The following FIP1L1 variants were observed in gnomAD, a reference collection of about 807,000 sequenced individuals.
FIP1L1 encodes the protein factor interacting with PAPOLA and CPSF1, also known as pre-mRNA 3'-end-processing factor FIP1.
A neutral mutation model predicts 84.6 loss-of-function variants in FIP1L1; 21 were observed. That is an observed-to-expected ratio of 0.25 (90% confidence interval 0.18 to 0.36). The LOEUF (loss-of-function observed/expected upper bound fraction) is 0.36. Ranked by LOEUF, FIP1L1 falls within the 10% of genes least tolerant of loss-of-function variation. The pLI, the probability that FIP1L1 is intolerant of heterozygous loss-of-function variation, is 1.00. For synonymous variants in FIP1L1, 263 were observed against 242.3 expected (o/e 1.09, Z -0.80); for missense variants, 526 against 751.1 (o/e 0.70, Z 3.50).
chr4:53,387,796 A>C (rs1741915115), intron 5 of FIP1L1, among the ~76,000 whole-genome samples: 1 of 152,214 alleles, frequency 6.6e-6, no homozygotes, highest in African/African-American at 2.4e-5. Context: ...CATTTGTAGA[A>C]AAATCATGTA....
At chr4:53,394,664 T>A (rs1490093900) in intron 9 of FIP1L1, among the ~76,000 whole-genome samples, 3 of 152,082 alleles carry the variant, frequency 2.0e-5, no homozygotes, top group Non-Finnish European at 4.4e-5. Flanking sequence ...TTAATCTAAT[T>A]TCAAAGTTCT....
At chr4:53,440,842 C>G (rs1190382771) in intron 13 of FIP1L1, 1 of 458,600 alleles carries the variant, frequency 2.2e-6, no homozygotes, top group Non-Finnish European at 3.9e-6. Context: ...AAATTCTTAC[C>G]TATTCAATTT....
chr4:53,404,253 A>C (rs1311433111), intron 10 of FIP1L1, among the ~76,000 whole-genome samples: 1 of 143,794 alleles, frequency 7.0e-6, no homozygotes, highest in Non-Finnish European at 1.5e-5. Context: ...GAGTGAGAAT[A>C]TGCGGTGTTT....
intron 10 of FIP1L1, among the ~76,000 whole-genome samples, chr4:53,411,022 G>A (rs77068984): frequency 0.045 from 6,884 of 152,214 alleles, 371 homozygotes; most frequent in African/African-American, 0.13. Context: ...ATGGCCATGG[G>A]TTTAAAGTGT....
intron 10 of FIP1L1, among the ~76,000 whole-genome samples, chr4:53,403,812 A>G (rs1751570810): frequency 6.6e-6 from 1 of 152,070 alleles, no homozygotes; most frequent in Non-Finnish European, 1.5e-5. Flanking sequence ...GGTGCATCTC[A>G]TCGATTTGCT....
At chr4:53,394,596 T>G (rs1259553327) in intron 9 of FIP1L1, among the ~76,000 whole-genome samples, 1 of 152,190 alleles carries the variant, frequency 6.6e-6, no homozygotes, top group Non-Finnish European at 1.5e-5. Flanking sequence ...TGTCTTTGCT[T>G]TCTCATCGCT....
intron 11 of FIP1L1, among the ~76,000 whole-genome samples, chr4:53,415,007 C>G (rs1207507877): frequency 6.6e-6 from 1 of 151,482 alleles, no homozygotes; most frequent in Non-Finnish European, 1.5e-5. Flanking sequence ...CAGGTTAATT[C>G]TTTCTCATAC....
intron 13 of FIP1L1, among the ~76,000 whole-genome samples, chr4:53,439,810 G>A (rs1016193303): frequency 2.0e-5 from 3 of 151,814 alleles, no homozygotes; most frequent in African/African-American, 7.3e-5. Context: ...AATTTAAAAT[G>A]CTGAATTTAA....
chr4:53,400,500 A>G (rs78272284), intron 10 of FIP1L1, among the ~76,000 whole-genome samples: 2,747 of 152,324 alleles, frequency 0.018, 84 homozygotes, highest in African/African-American at 0.063. Flanking sequence ...TAAGATGACT[A>G]AAGTCTGGGC....
At chr4:53,427,868 A>T (rs1578803543) in intron 12 of FIP1L1, among the ~76,000 whole-genome samples, 159 bp from the exon 13 acceptor site, 1 of 152,358 alleles carries the variant, frequency 6.6e-6, no homozygotes, top group East Asian at 1.9e-4. Flanking sequence ...ATGTATACAC[A>T]TATCACACAT....
intron 10 of FIP1L1, among the ~76,000 whole-genome samples, chr4:53,409,473 T>G (rs1227083234): frequency 1.2e-4 from 18 of 152,226 alleles, no homozygotes; most frequent in Admixed American, 1.2e-3. Flanking sequence ...GGAGGCAGTC[T>G]GCCCGTTCTC....
chr4:53,437,184 T>G (rs901914052), intron 13 of FIP1L1, among the ~76,000 whole-genome samples: 2 of 151,650 alleles, frequency 1.3e-5, no homozygotes, highest in Non-Finnish European at 2.9e-5. Flanking sequence ...AAAAATTAGC[T>G]GAGCATGGTG....
chr4:53,423,888 G>A (rs1375952026), intron 11 of FIP1L1, among the ~76,000 whole-genome samples: 1 of 152,094 alleles, frequency 6.6e-6, no homozygotes, highest in Non-Finnish European at 1.5e-5. Flanking sequence ...CATTTTAAGA[G>A]GTGAATACTT....
chr4:53,441,797 C>G (rs765525173), intron 13 of FIP1L1, among the ~76,000 whole-genome samples: 21 of 151,846 alleles, frequency 1.4e-4, no homozygotes, highest in Non-Finnish European at 3.0e-4. Context: ...AGGACAGTGT[C>G]TGAATTGTAG....
chr4:53,377,954 T>G, intron 1 of FIP1L1, 31 bp downstream of exon 1: 1 of 1,535,084 alleles, frequency 6.5e-7, no homozygotes, highest in Non-Finnish European at 8.8e-7. Flanking sequence ...GTCTCTCGGG[T>G]TCTCTCAGGC....
intron 15 of FIP1L1, among the ~76,000 whole-genome samples, chr4:53,452,085 T>G (rs1034485584): frequency 1.3e-5 from 2 of 152,088 alleles, no homozygotes; most frequent in Admixed American, 6.5e-5. Context: ...GGTTTCACCA[T>G]CTTGGCCAGG....
At chr4:53,407,194 A>T (rs1298636647) in intron 10 of FIP1L1, among the ~76,000 whole-genome samples, 1 of 151,988 alleles carries the variant, frequency 6.6e-6, no homozygotes, top group Admixed American at 6.6e-5. Flanking sequence ...TGTCCCAGAG[A>T]TTCTGGTATG....
chr4:53,458,579 A>T (rs997716111), intron 16 of FIP1L1, 74 bp from the exon 17 acceptor site: 1 of 1,489,220 alleles, frequency 6.7e-7, no homozygotes, highest in Non-Finnish European at 9.1e-7. Flanking sequence ...TGCAGATCAC[A>T]TCTCTTTTAC....
intron 9 of FIP1L1, among the ~76,000 whole-genome samples, chr4:53,394,503 G>T (rs1746190868): frequency 6.6e-6 from 1 of 151,910 alleles, no homozygotes; most frequent in Non-Finnish European, 1.5e-5. Context: ...CTATCTAGAG[G>T]GTATATACTT....
Sources: gnomAD v4.1 joint callset for allele counts (sites outside exome capture counted in the v4.1 genomes callset) on GRCh38, gnomAD v4.1.1 for gene constraint, MANE v1.5 for transcripts, NCBI Gene and HGNC (gene_info 2026-07-23, HGNC 2026-07-21) for gene names.